Variants in NFATC4 observed in about 807,000 individuals in gnomAD.
The protein encoded by NFATC4 is nuclear factor of activated T cells 4, also known as nuclear factor of activated T-cells, cytoplasmic 4.
A neutral mutation model predicts 73.4 loss-of-function variants in NFATC4; 25 were observed. The ratio of observed to expected loss-of-function variants is 0.34; its 90% CI spans 0.25 to 0.48. The LOEUF is 0.48. Among genes scored for constraint, NFATC4 ranks in the 20% least tolerant of loss-of-function variants. The pLI is 0.99. For missense variants in NFATC4, 1,130 were observed against 1,203.7 expected, an observed-to-expected ratio of 0.94 and a Z score of 0.91; for synonymous variants, 523 against 510.3, an observed-to-expected ratio of 1.02 and a Z score of -0.34.
rs1416234295 is a variant in NFATC4 at position 24,377,174 on chromosome 14, G to T, written c.2641+296G>T. On this transcript the variant is annotated intron_variant, in intron 9 of 9. Coordinates refer to ENST00000250373, the MANE Select transcript of NFATC4 (RefSeq NM_004554.5). This position sits in a 1 kb window ranked among gnomAD's most constrained non-coding sequence, Gnocchi z 4.2. The stretch of plus-strand genomic sequence containing the variant: ...CACTTTCAAGATCATTCCATCCAGC[G>T]CATTCAATTTGCAAGTTTAGGCGTT... The T allele has an allele frequency of 7.0e-6, 9 of 1,285,540 alleles. No homozygotes were observed. Among genetic ancestry groups the T allele is most frequent in the Non-Finnish European group, 8.8e-6 (9 of 1,020,130 alleles). The allele number at this position is 1,285,540 out of a possible 1,614,324, so 79.6% of individuals were successfully genotyped here.
At chr14:24,369,271 C>T (rs1436107519) in intron 1 of NFATC4, 1 of 1,545,284 alleles carries the variant, frequency 6.5e-7, no homozygotes. Flanking sequence ...GATCGGGTAC[C>T]CTCGGTCCTA....
intron 5 of NFATC4, 171 bp from the exon 6 acceptor site, chr14:24,374,155 C>T (rs1459913257): frequency 1.0e-5 from 10 of 966,826 alleles, no homozygotes; most frequent in Non-Finnish European, 1.4e-5. Context: ...TGGGAGCGGC[C>T]CCTTACATGG....
rs1289292550 is a variant in NFATC4 at position 24,373,185 on chromosome 14, T to C, written c.1374T>C (p.Ser458=). ...CCCTCTGCCAGCTCCTAGGCTACAG[T>C]GAGAAGCCACTGACCCTACAGATGT... The part of the protein sequence containing the change: ...GHPVVKLLGY[S]EKPLTLQMFI... The change falls in exon 4 of 10, where the codon AGT becomes AGC. Residue 458 remains serine (S), a synonymous_variant. Coordinates refer to ENST00000250373, the MANE Select transcript of NFATC4 (RefSeq NM_004554.5). The surrounding 1 kb of genome is among the most constrained non-coding windows in gnomAD (Gnocchi z 4.7). The C allele has an allele frequency of 6.2e-7, 1 of 1,614,078 alleles. No individual in the cohort carries two copies. The highest frequency in any genetic ancestry group is 1.7e-5 in the Admixed American group (1 of 60,018).
rs2042448106 is a variant in NFATC4 at position 24,370,555 on chromosome 14, G to T, written c.1157G>T (p.Trp386Leu). ...CTGGCAGTGCCCTCCCCACTCGCTT[G>T]GTCCAAGGCCCGGATTGGGGGACAC... ...DYLAVPSPLAWSKARIGGHSP... is the reference protein window; with the variant it reads ...DYLAVPSPLALSKARIGGHSP... The change falls in exon 2 of 10, where the codon TGG becomes TTG. Residue 386 changes from tryptophan (W) to leucine (L), a missense_variant. By Grantham distance (61) the Trp-to-Leu change is moderately conservative. This residue lies in a region of NFATC4 where 585 missense variants were observed against 574.3 expected (regional missense o/e 1.02). Transcript: ENST00000250373. 8 of 1,613,210 alleles carry T rather than the reference G, an allele frequency of 5.0e-6. No homozygotes were observed. Among genetic ancestry groups the T allele is most frequent in the Non-Finnish European group, 5.9e-6 (7 of 1,179,274 alleles).
At chr14:24,375,759 G>GGGGGGGCCCC in intron 7 of NFATC4, 44 bp downstream of exon 7, 2 of 617,002 alleles carry the variant, frequency 3.2e-6, no homozygotes, top group Non-Finnish European at 5.9e-6. Flanking sequence ...GGGGGTGGGA[G>GGGGGGGCCCC]AAGGCAGGGG....
chr14:24,368,791 G>C (rs1783566806), intron 1 of NFATC4, among the ~76,000 whole-genome samples: 1 of 151,984 alleles, frequency 6.6e-6, no homozygotes, highest in South Asian at 2.1e-4. Flanking sequence ...CTGGCGGACC[G>C]AGCTCTGGCC....
At chr14:24,367,148 C>T, upstream of NFATC4, 2 of 1,613,936 alleles carry the variant, frequency 1.2e-6, no homozygotes, top group African/African-American at 1.3e-5. Flanking sequence ...CTCACACAAC[C>T]CAGGCCTCTC....
In NFATC4 at chr14:24,369,270, C is replaced by T. The variant is rs564887442; in HGVS notation, c.101-229C>T. ...ACCTTAAGACCCACTGGATCGGGTA[C>T]CCTCGGTCCTAGGATCCAGGGGCCA... On this transcript the variant is annotated intron_variant, in intron 1 of 9. Coordinates refer to ENST00000250373, the MANE Select transcript of NFATC4 (RefSeq NM_004554.5). The T allele has an allele frequency of 3.9e-5, 60 of 1,544,586 alleles. No homozygotes were observed. The Middle Eastern group carries it at 1.2e-3, about 30-fold the overall frequency.
At position 24,375,981 on chromosome 14, in the gene NFATC4, C is replaced by G; in HGVS notation, c.1936C>G (p.Leu646Val). 2 of 1,613,964 alleles carry G rather than the reference C, an allele frequency of 1.2e-6. No homozygotes were observed. The highest frequency in any genetic ancestry group is 1.7e-6 in the Non-Finnish European group (2 of 1,179,918). The change falls in exon 8 of 10, where the codon CTG becomes GTG. Residue 646 changes from leucine to valine, a missense_variant. By Grantham distance (32) the Leu-to-Val change is conservative (BLOSUM62 1). This residue lies in a region of NFATC4 where 390 missense variants were observed against 408.1 expected (regional missense o/e 0.96). Coordinates refer to ENST00000250373, the MANE Select transcript of NFATC4 (RefSeq NM_004554.5). ...VNRLQSNEVT[L>V]TLTVPEYSNK... ...CATTTTTACTCTTCCCTAGGTGACG[C>G]TGACCCTGACTGTCCCCGAGTACAG... is the stretch of plus-strand genomic sequence containing the variant.
At chr14:24,371,194 A>C (rs894592159) in intron 2 of NFATC4, among the ~76,000 whole-genome samples, 1 of 152,226 alleles carries the variant, frequency 6.6e-6, no homozygotes, top group African/African-American at 2.4e-5. Context: ...CAATAATCTT[A>C]AATCTTGAGA....
rs1471810866 is a variant in NFATC4, at chr14:24,368,186, A to G, written c.-155A>G. The G allele has an allele frequency of 7.9e-6, 10 of 1,260,294 alleles. No homozygotes were observed. In the East Asian group the frequency reaches 1.6e-4, roughly 21 times the overall value. 78.1% of individuals were successfully genotyped at this position (1,260,294 alleles called of 1,614,324 possible). A position where few individuals can be genotyped will look rare whatever the true frequency, so the allele number is the denominator to read the frequency against. On this transcript the variant is annotated 5_prime_UTR_variant, in exon 1 of 10. Transcript: ENST00000250373. ...GGGAAAAAAGTTTGGAAAAGTTTCT[A>G]TAATAACGAGGGGGCTTCTGGAGGG...
upstream of NFATC4, chr14:24,367,094 G>T: frequency 6.2e-7 from 1 of 1,613,660 alleles, no homozygotes; most frequent in African/African-American, 1.3e-5. Flanking sequence ...CGCCAGCCTC[G>T]CCAGTATCTC....
chr14:24,375,607 C>CA, intron 6 of NFATC4, 53 bp from the exon 7 acceptor site: 1 of 1,539,098 alleles, frequency 6.5e-7, no homozygotes, highest in East Asian at 2.4e-5. Flanking sequence ...AGAACTAGGG[C>CA]AGGGGACAGG....
At position 24,376,824 on chromosome 14, in the gene NFATC4, T is replaced by A. The variant is rs1385775956; in HGVS notation, c.2587T>A (p.Tyr863Asn). Residue 863 changes from tyrosine (Y) to asparagine (N), a missense_variant, in exon 9 of 10, where the codon TAC (tyrosine) becomes AAC (asparagine). Coordinates refer to ENST00000250373, the MANE Select transcript of NFATC4 (RefSeq NM_004554.5). The surrounding 1 kb of genome is among the most constrained non-coding windows in gnomAD (Gnocchi z 5.0). The part of the protein sequence containing the change: ...APEQEKSRGG[Y>N]SSGFRDSVPI... The stretch of plus-strand genomic sequence containing the variant: ...GGAGCAGGAGAAATCCAGGGGTGGC[T>A]ACAGCAGCGGCTTCCGAGACAGTGT... 1 of 1,603,308 alleles carries A rather than the reference T, an allele frequency of 6.2e-7. No individual in the cohort carries two copies. The highest frequency in any genetic ancestry group is 1.3e-5 in the African/African-American group (1 of 74,304).
Position 24,376,671 on chromosome 14 carries a change from C to G in NFATC4, c.2434C>G (p.Arg812Gly), listed in dbSNP as rs779918597. The G allele has an allele frequency of 1.9e-6, 3 of 1,613,528 alleles. No individual in the cohort carries two copies. The highest frequency in any genetic ancestry group is 1.1e-5 in the South Asian group (1 of 91,044). Residue 812 changes from arginine to glycine, a missense_variant, in exon 9 of 10, where the codon CGG becomes GGG. Arg to Gly is a moderately radical substitution (Grantham distance 125). This residue lies in a region of NFATC4 where 390 missense variants were observed against 408.1 expected (regional missense o/e 0.96). Transcript: ENST00000250373. The surrounding 1 kb of genome is among the most constrained non-coding windows in gnomAD (Gnocchi z 5.0). Reference sequence around the variant, plus strand: ...GCCATTCTCTCCGCCAGCCCCCTTTCGGCCGCCTCCTCTTCCTGCATCCCC... The same window carrying G: ...GCCATTCTCTCCGCCAGCCCCCTTTGGGCCGCCTCCTCTTCCTGCATCCCC... Reference protein sequence around the residue: ...GLPFSPPAPFRPPPLPASPPL... With the variant: ...GLPFSPPAPFGPPPLPASPPL...
chr14:24,372,752 G>T, intron 3 of NFATC4, 149 bp downstream of exon 3: 1 of 958,884 alleles, frequency 1.0e-6, no homozygotes, highest in South Asian at 1.4e-5. Context: ...GGGGGAGGAG[G>T]GGTGCAAGGA....
chr14:24,372,637 TC>T, intron 3 of NFATC4, 34 bp downstream of exon 3: 1 of 1,612,966 alleles, frequency 6.2e-7, no homozygotes. Context: ...ATATCCTCTC[TC>T]CTCTCCCAGA....
In NFATC4 at chr14:24,370,538, G is replaced by A. The variant is rs2042447475; in HGVS notation, c.1140G>A (p.Val380=). 11 of 1,613,846 alleles carry A rather than the reference G, an allele frequency of 6.8e-6. No individual in the cohort carries two copies. Among genetic ancestry groups the A allele is most frequent in the Admixed American group, 3.3e-5 (2 of 60,000 alleles). ...TGGCTGGCATGGACTACCTGGCAGT[G>A]CCCTCCCCACTCGCTTGGTCCAAGG... ...KEVAGMDYLA[V]PSPLAWSKAR... Residue 380 remains valine (V), a synonymous_variant, in exon 2 of 10, where the codon GTG becomes GTA. Coordinates refer to ENST00000250373, the MANE Select transcript of NFATC4 (RefSeq NM_004554.5).
intron 1 of NFATC4, chr14:24,368,930 A>C: frequency 9.0e-6 from 5 of 557,412 alleles, no homozygotes; most frequent in Non-Finnish European, 1.2e-5. Context: ...CGCCGCTCGC[A>C]CGAATCCGCG....
Sources: allele counts gnomAD v4.1 joint callset (sites outside exome capture counted in the v4.1 genomes callset), GRCh38; gene constraint gnomAD v4.1.1; regional missense constraint gnomAD v4.1.1; non-coding constraint Gnocchi (gnomAD v3.1); transcripts MANE v1.5; gene names NCBI Gene and HGNC (gene_info 2026-07-23, HGNC 2026-07-21).